FGD4: variants seen among roughly 807,000 people sequenced by gnomAD.
FGD4 encodes the protein FYVE, RhoGEF and PH domain-containing protein 4.
Under a neutral mutation model 102.0 loss-of-function variants are expected in FGD4, and 42 were observed. That is an observed-to-expected ratio of 0.41 (90% CI 0.32 to 0.53). The LOEUF is 0.53. Among genes scored for constraint, FGD4 ranks in the 20% least tolerant of loss-of-function variants. FGD4 has a pLI of 0.21. For synonymous variants in FGD4, 380 were observed against 375.7 expected (o/e 1.01, Z -0.13); for missense variants, 902 against 1,078.2 (o/e 0.84, Z 2.29).
chr12:32,554,485 A>G (rs996373241), intron 1 of FGD4, among the ~76,000 whole-genome samples: 3 of 152,234 alleles, frequency 2.0e-5, no homozygotes, highest in Admixed American at 6.5e-5. Context: ...ACAAATACAT[A>G]TTGAGCATCT....
intron 1 of FGD4, among the ~76,000 whole-genome samples, chr12:32,440,827 A>C (rs2136454851): frequency 6.6e-6 from 1 of 152,318 alleles, no homozygotes; most frequent in Middle Eastern, 3.4e-3. Flanking sequence ...CTGGTAATCT[A>C]GTGTATTGCA....
intron 1 of FGD4, chr12:32,502,062 T>G: frequency 1.0e-6 from 1 of 985,478 alleles, no homozygotes; most frequent in African/African-American, 1.7e-5. Flanking sequence ...AGACAGCGAT[T>G]GTTACCCAAT....
At chr12:32,431,270 C>T (rs372078122) in intron 1 of FGD4, among the ~76,000 whole-genome samples, 3 of 152,218 alleles carry the variant, frequency 2.0e-5, no homozygotes, top group African/African-American at 4.8e-5. Flanking sequence ...TGTAAACTTC[C>T]GGGAAAATTA....
chr12:32,442,821 G>C (rs965655359), intron 1 of FGD4, among the ~76,000 whole-genome samples: 1 of 152,090 alleles, frequency 6.6e-6, no homozygotes. Context: ...GCCTTCCAAA[G>C]TGTTGGGATT....
intron 7 of FGD4, 132 bp from the exon 8 acceptor site, chr12:32,607,825 T>C (rs113340301): frequency 6.3e-6 from 6 of 954,514 alleles, no homozygotes; most frequent in African/African-American, 1.6e-5. Context: ...GAAATCTGCA[T>C]TTCATGCAGG....
At chr12:32,633,297 G>A (rs1363948810) in intron 14 of FGD4, among the ~76,000 whole-genome samples, 2 of 152,152 alleles carry the variant, frequency 1.3e-5, no homozygotes, top group Admixed American at 6.5e-5. Context: ...ACATCCAGAA[G>A]TATGAAGAGT....
At chr12:32,534,489 A>G in intron 1 of FGD4, 1 of 1,511,292 alleles carries the variant, frequency 6.6e-7, no homozygotes, top group Non-Finnish European at 8.8e-7. Flanking sequence ...AATCATGTCC[A>G]CTGATCAAGG....
At chr12:32,631,636 C>G (rs1344724930) in intron 14 of FGD4, among the ~76,000 whole-genome samples, 1 of 151,624 alleles carries the variant, frequency 6.6e-6, no homozygotes, top group Non-Finnish European at 1.5e-5. Flanking sequence ...TTCCAAGTAG[C>G]TGGGACTACA....
At chr12:32,639,395 C>T (rs1400066643) in intron 16 of FGD4, among the ~76,000 whole-genome samples, 2 of 152,174 alleles carry the variant, frequency 1.3e-5, no homozygotes, top group African/African-American at 4.8e-5. Context: ...AACTCCTGAC[C>T]TCAGGTGATC....
chr12:32,629,408 G>A (rs1215482923), intron 14 of FGD4, among the ~76,000 whole-genome samples: 2 of 152,216 alleles, frequency 1.3e-5, no homozygotes, highest in African/African-American at 4.8e-5. Flanking sequence ...GCCAGGCATT[G>A]TTTGAAGTGT....
chr12:32,546,693 A>G (rs1943249503), intron 1 of FGD4, among the ~76,000 whole-genome samples: 1 of 152,222 alleles, frequency 6.6e-6, no homozygotes, highest in Admixed American at 6.5e-5. Flanking sequence ...AAGTGAGTCT[A>G]TGAGAGTGTG....
chr12:32,619,403 C>T (rs1047320744), intron 10 of FGD4, among the ~76,000 whole-genome samples: 4 of 151,754 alleles, frequency 2.6e-5, no homozygotes, highest in Admixed American at 6.6e-5. Flanking sequence ...CTGAGGCGGG[C>T]GGATCACGAG....
chr12:32,426,690 G>C (rs1941848753), intron 1 of FGD4, among the ~76,000 whole-genome samples: 1 of 152,050 alleles, frequency 6.6e-6, no homozygotes, highest in South Asian at 2.1e-4. Flanking sequence ...ACTCTGTCTG[G>C]TCCTGGGCTT....
intron 10 of FGD4, among the ~76,000 whole-genome samples, chr12:32,615,167 G>A (rs986248499): frequency 6.6e-6 from 1 of 152,194 alleles, no homozygotes; most frequent in African/African-American, 2.4e-5. Flanking sequence ...ACTTATATAT[G>A]CTACATGGAT....
chr12:32,429,569 G>C (rs1291605582), intron 1 of FGD4, among the ~76,000 whole-genome samples: 1 of 152,240 alleles, frequency 6.6e-6, no homozygotes, highest in Non-Finnish European at 1.5e-5. Flanking sequence ...TGGGAGATCT[G>C]CTGCTCTCTT....
In FGD4 at chr12:32,414,152, A is replaced by G. The variant is rs1941313978; in HGVS notation, c.166+14193A>G. ...ACACCCAGCTAATTTTTATATTTTT[A>G]GTAGAGACAGTGTTTCACCATGTTA... On this transcript the variant is annotated intron_variant, in intron 1 of 16. Coordinates refer to ENST00000534526, the MANE Select transcript of FGD4 (RefSeq NM_001370298.3). Among the ~76,000 whole-genome samples, 3 of 152,088 alleles carry G rather than the reference A, an allele frequency of 2.0e-5. No homozygotes were observed. In the South Asian group the frequency reaches 6.2e-4, roughly 32 times the overall value.
At chr12:32,591,185 CT>C (rs1947447713) in intron 4 of FGD4, among the ~76,000 whole-genome samples, 3 of 152,132 alleles carry the variant, frequency 2.0e-5, no homozygotes, top group African/African-American at 7.2e-5. Flanking sequence ...ATATAATTAT[CT>C]AACTGACAGC....
At chr12:32,583,085 C>G (rs1946740370) in intron 4 of FGD4, 1 of 152,644 alleles carries the variant, frequency 6.6e-6, no homozygotes, top group Admixed American at 6.5e-5. Context: ...TGCTGTAATC[C>G]CAGTACTTTG....
At chr12:32,626,235 A>C (rs1300002713) in intron 14 of FGD4, among the ~76,000 whole-genome samples, 2 of 152,206 alleles carry the variant, frequency 1.3e-5, no homozygotes, top group Non-Finnish European at 2.9e-5. Context: ...ACCTGAGGTC[A>C]GGAGTTTGAG....
Sources: allele counts gnomAD v4.1 joint callset (sites outside exome capture counted in the v4.1 genomes callset), GRCh38; gene constraint gnomAD v4.1.1; transcripts MANE v1.5; gene names NCBI Gene and HGNC (gene_info 2026-07-23, HGNC 2026-07-21).